SLC36A1: variants seen among roughly 807,000 people sequenced by gnomAD.
The protein encoded by SLC36A1 is proton-coupled amino acid transporter 1.
Under a neutral mutation model 47.5 loss-of-function variants are expected in SLC36A1, and 30 were observed. The ratio of observed to expected loss-of-function variants is 0.63; its 90% CI spans 0.47 to 0.86. SLC36A1 has a LOEUF of 0.86. SLC36A1 is among the 40% of genes least tolerant of loss of function. The pLI is 0.00. For missense variants in SLC36A1, 517 were observed against 606.0 expected, an observed-to-expected ratio of 0.85 and a Z score of 1.54; for synonymous variants, 255 against 249.7, an observed-to-expected ratio of 1.02 and a Z score of -0.20.
chr5:151,428,426 C>G, the SLC36A1 span, among the ~76,000 whole-genome samples: 7 of 152,232 alleles, frequency 4.6e-5, no homozygotes, highest in South Asian at 1.5e-3. Context: ...CCAACTCATT[C>G]CCCTGGCTGC....
chr5:151,512,929 T>C, the SLC36A1 span, among the ~76,000 whole-genome samples: 1 of 152,198 alleles, frequency 6.6e-6, no homozygotes, highest in Non-Finnish European at 1.5e-5. The surrounding 1 kb of genome is among the most constrained non-coding windows in gnomAD (Gnocchi z 4.1). Context: ...TGTCCAGAGT[T>C]CCACACTTGT....
chr5:151,354,573 G>A, the SLC36A1 span, among the ~76,000 whole-genome samples: 2 of 152,130 alleles, frequency 1.3e-5, no homozygotes, highest in African/African-American at 4.8e-5. Context: ...TATAGATGGG[G>A]AAACTGAAGC....
upstream of SLC36A1, among the ~76,000 whole-genome samples, chr5:151,444,767 G>A (rs903153178): frequency 6.6e-6 from 1 of 152,248 alleles, no homozygotes; most frequent in African/African-American, 2.4e-5. Context: ...TTACAGGCAT[G>A]AGCCACTGAG....
chr5:151,398,354 A>G, the SLC36A1 span, among the ~76,000 whole-genome samples: 1 of 152,236 alleles, frequency 6.6e-6, no homozygotes, highest in East Asian at 1.9e-4. Flanking sequence ...CACCATCCCA[A>G]TTTCGGGTGT....
rs1756142796 is a variant in SLC36A1 at position 151,465,072 on chromosome 5, A to T, written c.324-2A>T. The T allele has an allele frequency of 6.2e-7, 1 of 1,611,574 alleles. No homozygotes were observed. The highest frequency in any genetic ancestry group is 1.3e-5 in the African/African-American group (1 of 74,816). On this transcript the variant is annotated splice_acceptor_variant, in intron 4 of 10. Transcript: ENST00000243389. LOFTEE classifies it high-confidence loss of function. ...CCTTCCTCTTCCCTCCTACTCTTCC[A>T]GGCTGAATAAATCCTTTGTGGATTA... is the stretch of plus-strand genomic sequence containing the variant.
At chr5:151,451,081 G>C (rs1279649185) in intron 1 of SLC36A1, 1 of 152,340 alleles carries the variant, frequency 6.6e-6, no homozygotes, top group East Asian at 1.9e-4. Context: ...GATGGATGGG[G>C]CATTGTAAAT....
intron 10 of SLC36A1, among the ~76,000 whole-genome samples, chr5:151,482,662 G>T (rs1476201101): frequency 1.3e-5 from 2 of 152,022 alleles, no homozygotes; most frequent in Non-Finnish European, 2.9e-5. Flanking sequence ...ATATTTTCAT[G>T]ACCTCGTGGT....
the SLC36A1 span, among the ~76,000 whole-genome samples, chr5:151,499,595 G>A: frequency 1.3e-5 from 2 of 152,136 alleles, no homozygotes; most frequent in Non-Finnish European, 2.9e-5. Context: ...ATCCCCAGAT[G>A]CTCACTTTTT....
chr5:151,531,714 G>A, the SLC36A1 span: 10 of 1,613,842 alleles, frequency 6.2e-6, no homozygotes, highest in African/African-American at 9.3e-5. The surrounding 1 kb of genome is among the most constrained non-coding windows in gnomAD (Gnocchi z 5.7). Context: ...GGGCGTCCTC[G>A]GGCACCTGCA....
At chr5:151,482,514 AT>A (rs934607763) in intron 10 of SLC36A1, among the ~76,000 whole-genome samples, 6 of 151,574 alleles carry the variant, frequency 4.0e-5, no homozygotes, top group African/African-American at 1.5e-4. Flanking sequence ...TAACAAAGTA[AT>A]TTTTTTTTGC....
the SLC36A1 span, among the ~76,000 whole-genome samples, chr5:151,541,769 C>T: frequency 6.6e-6 from 1 of 152,242 alleles, no homozygotes; most frequent in South Asian, 2.1e-4. Context: ...GGTTGAACTT[C>T]TCCATCTGGG....
At chr5:151,544,991 G>A in the SLC36A1 span, 26 of 1,614,134 alleles carry the variant, frequency 1.6e-5, no homozygotes, top group South Asian at 7.7e-5. Flanking sequence ...TGAGGTGTCC[G>A]ATTGTCCCTC....
the SLC36A1 span, among the ~76,000 whole-genome samples, chr5:151,366,872 A>G: frequency 6.6e-6 from 1 of 152,214 alleles, no homozygotes; most frequent in Non-Finnish European, 1.5e-5. Flanking sequence ...GTGACATCAC[A>G]TATCGGTAAG....
At chr5:151,546,353 A>G in the SLC36A1 span, 35 of 1,597,594 alleles carry the variant, frequency 2.2e-5, no homozygotes, top group African/African-American at 8.0e-5. Context: ...ACAGAAGACA[A>G]GACAAACAAG....
the SLC36A1 span, among the ~76,000 whole-genome samples, chr5:151,357,566 A>T: frequency 6.6e-6 from 1 of 152,382 alleles, no homozygotes; most frequent in Non-Finnish European, 1.5e-5. Flanking sequence ...TATTGGCCAA[A>T]TCTATCCTGA....
the SLC36A1 span, chr5:151,545,769 C>T: frequency 6.2e-7 from 1 of 1,613,958 alleles, no homozygotes; most frequent in African/African-American, 1.3e-5. Flanking sequence ...AGGCATGAAT[C>T]ACAAAGGGGT....
the SLC36A1 span, among the ~76,000 whole-genome samples, chr5:151,383,338 T>C: frequency 6.6e-6 from 1 of 152,146 alleles, no homozygotes; most frequent in African/African-American, 2.4e-5. Context: ...AAACTGACTC[T>C]AGAATGGTTC....
the SLC36A1 span, chr5:151,521,290 C>A: frequency 6.2e-7 from 1 of 1,608,412 alleles, no homozygotes; most frequent in Non-Finnish European, 8.5e-7. Flanking sequence ...GCAGGAGCAG[C>A]TCCTCTGCAG....
the SLC36A1 span, chr5:151,540,774 G>A: frequency 6.2e-7 from 1 of 1,600,618 alleles, no homozygotes; most frequent in Admixed American, 1.7e-5. Flanking sequence ...CTAAACAGAT[G>A]GGGCAGAGCT....
Sources: allele counts gnomAD v4.1 joint callset (sites outside exome capture counted in the v4.1 genomes callset), GRCh38; gene constraint gnomAD v4.1.1; non-coding constraint Gnocchi (gnomAD v3.1); transcripts MANE v1.5; gene names NCBI Gene and HGNC (gene_info 2026-07-23, HGNC 2026-07-21).